GPHN: variants seen among roughly 807,000 people sequenced by gnomAD.
GPHN encodes the protein gephyrin.
In GPHN, 17 loss-of-function variants were observed where a neutral mutation model predicts 95.5. The observed-to-expected ratio is 0.18, with a 90% CI of 0.12 to 0.27. GPHN has a LOEUF of 0.27. Among genes scored for constraint, GPHN ranks in the 10% least tolerant of loss-of-function variants. The pLI, the probability that GPHN is intolerant of heterozygous loss-of-function variation, is 1.00. For missense variants in GPHN, 660 were observed against 978.1 expected, an observed-to-expected ratio of 0.67 and a Z score of 4.34; for synonymous variants, 320 against 322.5, an observed-to-expected ratio of 0.99 and a Z score of 0.08.
At chr14:66,940,145 G>C (rs972403755) in intron 8 of GPHN, among the ~76,000 whole-genome samples, 7 of 151,662 alleles carry the variant, frequency 4.6e-5, no homozygotes, top group African/African-American at 1.7e-4. Context: ...ACTCTTCTCA[G>C]TTTGGAAGAT....
At chr14:67,409,727 G>A in the GPHN span, among the ~76,000 whole-genome samples, 1 of 152,102 alleles carries the variant, frequency 6.6e-6, no homozygotes, top group African/African-American at 2.4e-5. Context: ...CGCTTTCACC[G>A]GTGATGACTG....
At chr14:67,620,599 T>C in the GPHN span, among the ~76,000 whole-genome samples, 1 of 152,118 alleles carries the variant, frequency 6.6e-6, no homozygotes, top group Admixed American at 6.5e-5. Context: ...TTCTCTTCAA[T>C]GAAGGAAACC....
chr14:67,428,413 G>T, the GPHN span, among the ~76,000 whole-genome samples: 5 of 152,244 alleles, frequency 3.3e-5, no homozygotes, highest in Non-Finnish European at 7.3e-5. Flanking sequence ...GAGCACTTAT[G>T]TGCCTAGCAC....
At chr14:67,444,167 G>A in the GPHN span, among the ~76,000 whole-genome samples, 1 of 152,234 alleles carries the variant, frequency 6.6e-6, no homozygotes, top group East Asian at 1.9e-4. Context: ...GATGTCTTAT[G>A]TCTCCCTAAA....
chr14:66,841,762 C>T (rs1004639359), intron 4 of GPHN, among the ~76,000 whole-genome samples: 13 of 151,974 alleles, frequency 8.6e-5, no homozygotes, highest in Admixed American at 7.2e-4. Flanking sequence ...TATATGAGGC[C>T]GGGCATGGTG....
chr14:67,249,176 G>C, the GPHN span, among the ~76,000 whole-genome samples: 1 of 151,958 alleles, frequency 6.6e-6, no homozygotes, highest in African/African-American at 2.4e-5. Context: ...TGGCCAGGCT[G>C]GTCTTGAACT....
At chr14:66,643,770 C>A (rs1431967045) in intron 1 of GPHN, among the ~76,000 whole-genome samples, 1 of 146,574 alleles carries the variant, frequency 6.8e-6, no homozygotes, top group African/African-American at 2.5e-5. Flanking sequence ...TTTTTTTAAT[C>A]AAAGATTTAG....
At chr14:67,456,941 T>C in the GPHN span, among the ~76,000 whole-genome samples, 1 of 152,166 alleles carries the variant, frequency 6.6e-6, no homozygotes, top group Non-Finnish European at 1.5e-5. Flanking sequence ...TAGAATACTA[T>C]ACAGCCATGA....
chr14:67,312,890 A>G, the GPHN span, among the ~76,000 whole-genome samples: 9 of 152,306 alleles, frequency 5.9e-5, no homozygotes, highest in South Asian at 1.9e-3. Flanking sequence ...AATGTGGCCA[A>G]TTCTTTGGCC....
At chr14:67,417,948 G>A in the GPHN span, among the ~76,000 whole-genome samples, 1 of 152,068 alleles carries the variant, frequency 6.6e-6, no homozygotes, top group Admixed American at 6.6e-5. Flanking sequence ...GTCTCCCTGT[G>A]TTGCCCAGGC....
the GPHN span, among the ~76,000 whole-genome samples, chr14:67,432,509 A>G: frequency 1.7e-4 from 26 of 152,200 alleles, no homozygotes; most frequent in South Asian, 4.1e-4. Context: ...CTGCTCTGAG[A>G]CACGTTTACA....
intron 1 of GPHN, among the ~76,000 whole-genome samples, chr14:66,579,093 G>A (rs2061038116): frequency 6.6e-6 from 1 of 151,570 alleles, no homozygotes; most frequent in African/African-American, 2.4e-5. Context: ...TAATAAAATT[G>A]TAGAATTCTT....
At chr14:66,565,981 GCTTT>G (rs1191649290) in intron 1 of GPHN, among the ~76,000 whole-genome samples, 1 of 124,758 alleles carries the variant, frequency 8.0e-6, no homozygotes, top group East Asian at 2.5e-4. Context: ...TTTTTTTTTT[GCTTT>G]CTATCTATTC....
the GPHN span, among the ~76,000 whole-genome samples, chr14:67,708,702 C>T: frequency 2.0e-5 from 3 of 152,092 alleles, no homozygotes; most frequent in Admixed American, 1.3e-4. Context: ...AACCAAACAC[C>T]ATTTCATATT....
chr14:66,890,950 T>C (rs185665770), intron 5 of GPHN, among the ~76,000 whole-genome samples: 3 of 152,246 alleles, frequency 2.0e-5, no homozygotes, highest in Middle Eastern at 3.4e-3. Flanking sequence ...AAAGGCCTTA[T>C]GTAAAAAACC....
intron 1 of GPHN, among the ~76,000 whole-genome samples, chr14:66,657,345 A>G (rs986417548): frequency 3.3e-5 from 5 of 152,242 alleles, no homozygotes; most frequent in African/African-American, 1.2e-4. Context: ...GTACAAGGTA[A>G]AGCTGCAAGT....
chr14:66,650,874 G>A (rs1011063970), intron 1 of GPHN, among the ~76,000 whole-genome samples: 7 of 152,192 alleles, frequency 4.6e-5, no homozygotes, highest in African/African-American at 1.7e-4. Flanking sequence ...CAAAGAGGTC[G>A]CTTCTGAATG....
chr14:67,014,369 A>G (rs2073186167), intron 9 of GPHN, among the ~76,000 whole-genome samples: 2 of 152,164 alleles, frequency 1.3e-5, no homozygotes, highest in Admixed American at 6.5e-5. Flanking sequence ...TAATAATGGT[A>G]GAGCCAAAAT....
At chr14:66,661,644 C>T (rs1360669207) in intron 1 of GPHN, among the ~76,000 whole-genome samples, 1 of 152,140 alleles carries the variant, frequency 6.6e-6, no homozygotes, top group Admixed American at 6.5e-5. Flanking sequence ...ACATGGCCGA[C>T]TACTTCTTTA....
Sources: gnomAD v4.1 joint callset for allele counts (sites outside exome capture counted in the v4.1 genomes callset) on GRCh38, gnomAD v4.1.1 for gene constraint, MANE v1.5 for transcripts, NCBI Gene and HGNC (gene_info 2026-07-23, HGNC 2026-07-21) for gene names.